TNXB: variants seen among roughly 807,000 people sequenced by gnomAD.
The protein encoded by TNXB is tenascin XB, also known as tenascin-X.
Under a neutral mutation model 340.5 loss-of-function variants are expected in TNXB, and 183 were observed. The ratio of observed to expected loss-of-function variants is 0.54; its 90% CI spans 0.48 to 0.61. The LOEUF is 0.61. Among genes scored for constraint, TNXB ranks in the 20% least tolerant of loss-of-function variants. TNXB has a pLI of 0.00. For missense variants in TNXB, 4,613 were observed against 5,446.4 expected, an observed-to-expected ratio of 0.85 and a Z score of 4.82; for synonymous variants, 2,121 against 2,314.5, an observed-to-expected ratio of 0.92 and a Z score of 2.40.
intron 4 of TNXB, among the ~76,000 whole-genome samples, chr6:32,092,555 T>G (rs528989778): frequency 2.6e-5 from 4 of 152,112 alleles, no homozygotes; most frequent in Non-Finnish European, 5.9e-5. Flanking sequence ...CTGGGCATTG[T>G]GGCAGGTGTC....
intron 26 of TNXB, among the ~76,000 whole-genome samples, chr6:32,050,544 C>T (rs1444897236): frequency 6.6e-6 from 1 of 151,134 alleles, no homozygotes; most frequent in Non-Finnish European, 1.5e-5. Flanking sequence ...CCCAGGCCAC[C>T]TCTCCCTGTC....
intron 18 of TNXB, among the ~76,000 whole-genome samples, chr6:32,065,320 T>C (rs1778280084): frequency 6.6e-6 from 1 of 152,180 alleles, no homozygotes; most frequent in South Asian, 2.1e-4. Flanking sequence ...ACTTTTACAA[T>C]GACTGTTCCC....
Position 32,052,873 on chromosome 6 carries a change from G to A in TNXB, c.8912C>T (p.Ser2971Phe). 6.2e-7 allele frequency: 1 copy of A among 1,613,198 alleles called. No individual in the cohort carries two copies. Among genetic ancestry groups the A allele is most frequent in the Non-Finnish European group, 8.5e-7 (1 of 1,179,884 alleles). Residue 2971 changes from serine (S) to phenylalanine (F), a missense_variant, in exon 26 of 44, where the codon TCC (serine) becomes TTC (phenylalanine). Coordinates refer to ENST00000644971, the MANE Select transcript of TNXB (RefSeq NM_001365276.2). This position sits in a 1 kb window ranked among gnomAD's most constrained non-coding sequence, Gnocchi z 4.7. ...GAAGCGGCCCTGGGGGATGGTCCAGGAGAGGCTCAGCGAGTCAGGGGAGGA... is the reference window on the plus strand; with the variant it reads ...GAAGCGGCCCTGGGGGATGGTCCAGAAGAGGCTCAGCGAGTCAGGGGAGGA... ...TGSSPDSLSL[S>F]WTIPQGRFDS... is the part of the protein sequence containing the mutation.
At chr6:32,065,310 A>T (rs1478476132) in intron 18 of TNXB, among the ~76,000 whole-genome samples, 193 bp from the exon 19 acceptor site, 1 of 152,132 alleles carries the variant, frequency 6.6e-6, no homozygotes, top group Non-Finnish European at 1.5e-5. Flanking sequence ...CTACCTCAGT[A>T]CTTTTACAAT....
chr6:32,049,691 A>G lies in TNXB; in HGVS notation c.9440-104T>C. The G allele has an allele frequency of 7.4e-7, 1 of 1,355,316 alleles. No homozygotes were observed. The highest frequency in any genetic ancestry group is 2.4e-5 in the Admixed American group (1 of 41,444). The allele number at this position is 1,355,316 out of a possible 1,614,324, so 84.0% of individuals were successfully genotyped here. On this transcript the variant is annotated intron_variant, in intron 27 of 43. Transcript: ENST00000644971. The surrounding 1 kb of genome is among the most constrained non-coding windows in gnomAD (Gnocchi z 4.5). The stretch of plus-strand genomic sequence containing the variant: ...TGACTGGGGGACCTGAGGTCATTTC[A>G]GAGAAGTCCATTCTTGGGGCTGGGT...
At position 32,048,661 on chromosome 6, in the gene TNXB, C is replaced by T. The variant is rs376098225; in HGVS notation, c.9758-11G>A. 78 of 1,444,432 alleles carry T rather than the reference C, an allele frequency of 5.4e-5. No individual in the cohort carries two copies. In the African/African-American group the frequency reaches 9.5e-4, roughly 18 times the overall value. 89.5% of individuals were successfully genotyped at this position (1,444,432 alleles called of 1,614,324 possible). A position where few individuals can be genotyped will look rare whatever the true frequency, so the allele number is the denominator to read the frequency against. On this transcript the variant is annotated splice_polypyrimidine_tract_variant and intron_variant, in intron 28 of 43. Coordinates refer to ENST00000644971, the MANE Select transcript of TNXB (RefSeq NM_001365276.2). ...GTGTGGGCAGGGGCGCTGAAAAGAGCAGAGCAGGCCCATGGGTCAGGAGGC... is the reference window on the plus strand; with the variant it reads ...GTGTGGGCAGGGGCGCTGAAAAGAGTAGAGCAGGCCCATGGGTCAGGAGGC...
At position 32,081,957 on chromosome 6, in the gene TNXB, C is replaced by G; in HGVS notation, c.3736+79G>C. ...GAGTCAGCTGTCTTGCTGGGGGACC[C>G]CAGCTGGTTTTGGGCTGAAGGGAAG... On this transcript the variant is annotated intron_variant, in intron 9 of 43. Coordinates refer to ENST00000644971, the MANE Select transcript of TNXB (RefSeq NM_001365276.2). This position sits in a 1 kb window ranked among gnomAD's most constrained non-coding sequence, Gnocchi z 5.1. The G allele has an allele frequency of 7.0e-7, 1 of 1,427,756 alleles. No homozygotes were observed. The highest frequency in any genetic ancestry group is 9.4e-7 in the Non-Finnish European group (1 of 1,058,816). The allele number at this position is 1,427,756 out of a possible 1,614,324, so 88.4% of individuals were successfully genotyped here. A position where few individuals can be genotyped will look rare whatever the true frequency, so the allele number is the denominator to read the frequency against.
chr6:32,075,524 C>T lies in TNXB; in HGVS notation c.4376-1572G>A, dbSNP rs932632435. ...CAGGGCTTTCCTCAGACACTGCCCT[C>T]GCAGTGAGGCCCTTGCTGTCTCCCT... On this transcript the variant is annotated intron_variant, in intron 11 of 43. Coordinates refer to ENST00000644971, the MANE Select transcript of TNXB (RefSeq NM_001365276.2). The surrounding 1 kb of genome is among the most constrained non-coding windows in gnomAD (Gnocchi z 4.6). Among the ~76,000 whole-genome samples the T allele has an allele frequency of 1.3e-5, 2 of 152,200 alleles. No individual in the cohort carries two copies. Among genetic ancestry groups the T allele is most frequent in the Non-Finnish European group, 2.9e-5 (2 of 68,036 alleles).
chr6:32,084,695 TCTC>T lies in TNXB; in HGVS notation c.3160_3162del (p.Glu1054del). On this transcript the variant is annotated inframe_deletion, in exon 8 of 44. Transcript: ENST00000644971. The surrounding 1 kb of genome is among the most constrained non-coding windows in gnomAD (Gnocchi z 5.5). ...GGTGGGCCTGAGGACTTCCCAGGCT[TCTC>T]CTCATCCTTGTCTGGAGTTTGAGAG... The T allele has an allele frequency of 6.4e-7, 1 of 1,573,498 alleles. No individual in the cohort carries two copies. Among genetic ancestry groups the T allele is most frequent in the Non-Finnish European group, 8.7e-7 (1 of 1,155,672 alleles).
At chr6:32,063,168 AC>A (rs911311546) in intron 19 of TNXB, among the ~76,000 whole-genome samples, 1 of 152,000 alleles carries the variant, frequency 6.6e-6, no homozygotes, top group African/African-American at 2.4e-5. Context: ...CGGGAGGATC[AC>A]CTGAGGTCAG....
rs1293845493 is a variant in TNXB, at chr6:32,087,477, G to C, written c.2779+1308C>G. The C allele has an allele frequency of 2.0e-6, 1 of 490,448 alleles. No individual in the cohort carries two copies. Among genetic ancestry groups the C allele is most frequent in the Non-Finnish European group, 4.0e-6 (1 of 247,240 alleles). The allele number at this position is 490,448 out of a possible 1,614,324, so 30.4% of individuals were successfully genotyped here. ...GCCCGTCGAGAGACACGAGAAGCGC[G>C]CCATCGGCGGAACTGCCCAGCACCT... is the stretch of plus-strand genomic sequence containing the variant. On this transcript the variant is annotated intron_variant, in intron 6 of 43. Transcript: ENST00000644971. The surrounding 1 kb of genome is among the most constrained non-coding windows in gnomAD (Gnocchi z 9.0).
rs867684192 is a variant in TNXB at position 32,075,769 on chromosome 6, G to T, written c.4376-1817C>A. Among the ~76,000 whole-genome samples the T allele has an allele frequency of 5.3e-5, 8 of 152,200 alleles. No individual in the cohort carries two copies. The highest frequency in any genetic ancestry group is 1.9e-4 in the African/African-American group (8 of 41,456). Reference sequence around the variant, plus strand: ...TACAGGTCTGGGCTCAGGACCTGCAGATCCCCACCACTCCCGCATGAGGAA... The same window carrying T: ...TACAGGTCTGGGCTCAGGACCTGCATATCCCCACCACTCCCGCATGAGGAA... On this transcript the variant is annotated intron_variant, in intron 11 of 43. Transcript: ENST00000644971. The surrounding 1 kb of genome is among the most constrained non-coding windows in gnomAD (Gnocchi z 4.6).
Position 32,096,016 on chromosome 6 carries a change from T to C in TNXB, c.1837A>G (p.Ser613Gly), listed in dbSNP as rs61744970. Residue 613 changes from serine (S) to glycine (G), a missense_variant, in exon 3 of 44, where the codon AGT (serine) becomes GGT (glycine). Physicochemically the swap from Ser to Gly is moderately conservative, Grantham distance 56 (BLOSUM62 0). Coordinates refer to ENST00000644971, the MANE Select transcript of TNXB (RefSeq NM_001365276.2). ...GVCICWEGYV[S>G]EDCSIRTCPS... is the part of the protein sequence containing the mutation. ...CAGGTGCGGATGCTGCAGTCCTCAC[T>C]CACGTAGCCTTCCCAACAGATGCAC... 5,404 of 1,612,628 alleles carry C rather than the reference T, an allele frequency of 3.4e-3. 158 individuals carry two copies. In the East Asian group the frequency reaches 0.073, roughly 22 times the overall value.
In TNXB at chr6:32,070,173, G is replaced by T; in HGVS notation, c.5232C>A (p.Leu1744=). 6.2e-7 allele frequency: 1 copy of T among 1,602,362 alleles called. No homozygotes were observed. Among genetic ancestry groups the T allele is most frequent in the Non-Finnish European group, 8.5e-7 (1 of 1,173,226 alleles). ...GAGGGCCATGGCGCTTCTTGCCCAG[G>T]AGGCCATAGAGGAGGAATCTGTACT... ...GRKYRFLLYG[L]LGKKRHGPLT... is the part of the protein sequence containing the mutation. The change falls in exon 14 of 44, where the codon CTC becomes CTA. Residue 1744 remains leucine, a synonymous_variant. Coordinates refer to ENST00000644971, the MANE Select transcript of TNXB (RefSeq NM_001365276.2). The surrounding 1 kb of genome is among the most constrained non-coding windows in gnomAD (Gnocchi z 6.0).
In TNXB at chr6:32,067,678, G is replaced by C; in HGVS notation, c.6527C>G (p.Ser2176Cys). The C allele has an allele frequency of 1.2e-6, 2 of 1,613,544 alleles. No homozygotes were observed. Among genetic ancestry groups the C allele is most frequent in the Non-Finnish European group, 1.7e-6 (2 of 1,179,618 alleles). Reference sequence around the variant, plus strand: ...ACACTCACCCGTGACGCCCACAGCAGACACTGGGCCCACGCGCCGCCCCTC... The same window carrying C: ...ACACTCACCCGTGACGCCCACAGCACACACTGGGCCCACGCGCCGCCCCTC... ...LHEGRRVGPV[S>C]AVGVTAPEEE... is the part of the protein sequence containing the mutation. Residue 2176 changes from serine to cysteine, a missense_variant, in exon 18 of 44, where the codon TCT (serine) becomes TGT (cysteine). This residue lies in a region of TNXB where 4,327 missense variants were observed against 4,859.4 expected (regional missense o/e 0.89). Coordinates refer to ENST00000644971, the MANE Select transcript of TNXB (RefSeq NM_001365276.2). The surrounding 1 kb of genome is among the most constrained non-coding windows in gnomAD (Gnocchi z 4.2).
chr6:32,072,294 G>A lies in TNXB; in HGVS notation c.4686C>T (p.Pro1562=). The A allele has an allele frequency of 6.3e-7, 1 of 1,593,888 alleles. No homozygotes were observed. Among genetic ancestry groups the A allele is most frequent in the South Asian group, 1.1e-5 (1 of 88,880 alleles). ...CCTCTGTGGCTGGGGCTGGTGGGAG[G>A]GGAGCTGGGATTTGGGAAGACAAAG... ...GPLSVVIVTA[P]LPPAPATEAS... The change falls in exon 13 of 44, where the codon CCC becomes CCT. Residue 1562 remains proline (P), a synonymous_variant. Transcript: ENST00000644971. This position sits in a 1 kb window ranked among gnomAD's most constrained non-coding sequence, Gnocchi z 4.4.
chr6:32,067,754 C>A lies in TNXB; in HGVS notation c.6451G>T (p.Gly2151Trp), dbSNP rs757768417. ...TACTTGCGCCCAGGCTCCAGGCCCC[C>A]CACGGTGACTTCACTCTCCTCGCCC... ...VGGEESEVTVGGLEPGRKYKM... is the reference protein window; with the variant it reads ...VGGEESEVTVWGLEPGRKYKM... Residue 2151 changes from glycine (G) to tryptophan (W), a missense_variant, in exon 18 of 44, where the codon GGG (glycine) becomes TGG (tryptophan). Physicochemically the swap from Gly to Trp is radical, Grantham distance 184 (BLOSUM62 -2). Transcript: ENST00000644971. This position sits in a 1 kb window ranked among gnomAD's most constrained non-coding sequence, Gnocchi z 4.2. 1.9e-6 allele frequency: 3 copies of A among 1,613,564 alleles called. No individual in the cohort carries two copies. The highest frequency in any genetic ancestry group is 1.1e-5 in the South Asian group (1 of 91,054).
At chr6:32,105,859 C>T (rs1180407751) in intron 1 of TNXB, among the ~76,000 whole-genome samples, 2 of 152,134 alleles carry the variant, frequency 1.3e-5, no homozygotes, top group Non-Finnish European at 2.9e-5. Flanking sequence ...CATAATAGCC[C>T]CAAACTGGGA....
At position 32,052,204 on chromosome 6, in the gene TNXB, C is replaced by A. The variant is rs1777321207; in HGVS notation, c.9115+466G>T. Among the ~76,000 whole-genome samples the A allele has an allele frequency of 6.6e-6, 1 of 152,290 alleles. No homozygotes were observed. The highest frequency in any genetic ancestry group is 6.5e-5 in the Admixed American group (1 of 15,298). ...CCGTGGCTCACGCCTATGATCCCAG[C>A]ACTTTGGGAGGCCGAGGAGGGCAGA... On this transcript the variant is annotated intron_variant, in intron 26 of 43. Transcript: ENST00000644971. The surrounding 1 kb of genome is among the most constrained non-coding windows in gnomAD (Gnocchi z 4.7).
Sources: gnomAD v4.1 joint callset for allele counts (sites outside exome capture counted in the v4.1 genomes callset) on GRCh38, gnomAD v4.1.1 for gene constraint, gnomAD v4.1.1 regional missense constraint, Gnocchi (gnomAD v3.1) non-coding constraint, MANE v1.5 for transcripts, NCBI Gene and HGNC (gene_info 2026-07-23, HGNC 2026-07-21) for gene names.